The following JAG2 variants were observed in gnomAD, a reference collection of about 807,000 sequenced individuals.
The protein encoded by JAG2 is protein jagged-2.
Under a neutral mutation model 141.7 loss-of-function variants are expected in JAG2, and 46 were observed. The observed-to-expected ratio is 0.32, with a 90% CI of 0.26 to 0.42. JAG2 has a LOEUF of 0.42. JAG2 is among the 10% of genes least tolerant of loss of function. The pLI, the probability that JAG2 is intolerant of heterozygous loss-of-function variation, is 1.00. For synonymous variants in JAG2, 862 were observed against 763.5 expected (o/e 1.13, Z -2.13); for missense variants, 1,500 against 1,817.5 (o/e 0.83, Z 3.18).
Position 105,157,779 on chromosome 14 carries a change from G to A in JAG2, c.418-16C>T, listed in dbSNP as rs1888623565. ...TAAAGGAGCGCTGCAGACATGGGGA[G>A]GCGGGTCAGGTACCTGAGGCCACAC... is the stretch of plus-strand genomic sequence containing the variant. On this transcript the variant is annotated splice_polypyrimidine_tract_variant and intron_variant, in intron 2 of 25. Transcript: ENST00000331782. 1 of 1,564,492 alleles carries A rather than the reference G, an allele frequency of 6.4e-7. No homozygotes were observed. Among genetic ancestry groups the A allele is most frequent in the Non-Finnish European group, 8.6e-7 (1 of 1,156,486 alleles).
At position 105,146,396 on chromosome 14, in the gene JAG2, C is replaced by T. The variant is rs1359142750; in HGVS notation, c.2698G>A (p.Asp900Asn). The stretch of plus-strand genomic sequence containing the variant: ...CGGGCTGCCCTCACCTTGCTGCAGT[C>T]ACGGCGGCCATCCAGGCAGCGGCAG... ...NSCRCLDGRR[D>N]CSKVWCGWKP... Residue 900 changes from aspartate to asparagine, a missense_variant, in exon 22 of 26, where the codon GAC (aspartate) becomes AAC (asparagine). By Grantham distance (23) the Asp-to-Asn change is conservative (BLOSUM62 1). Transcript: ENST00000331782. 3 of 1,612,434 alleles carry T rather than the reference C, an allele frequency of 1.9e-6. No homozygotes were observed. The highest frequency in any genetic ancestry group is 1.3e-5 in the African/African-American group (1 of 74,942).
Position 105,142,500 on chromosome 14 carries a change from T to C in JAG2, c.*195A>G. The C allele has an allele frequency of 1.7e-6, 1 of 587,720 alleles. No homozygotes were observed. Among genetic ancestry groups the C allele is most frequent in the Non-Finnish European group, 3.0e-6 (1 of 331,756 alleles). The allele number at this position is 587,720 out of a possible 1,614,324, so 36.4% of individuals were successfully genotyped here. On this transcript the variant is annotated 3_prime_UTR_variant, in exon 26 of 26. Coordinates refer to ENST00000331782, the MANE Select transcript of JAG2 (RefSeq NM_002226.5). The stretch of plus-strand genomic sequence containing the variant: ...ATAGCAACTATCCGAGAATACTCCA[T>C]TGTTTTCAGCCTGACAGTTACTGAA...
Position 105,155,636 on chromosome 14 carries a change from G to A in JAG2, c.728-14C>T, listed in dbSNP as rs369511585. 74 of 1,612,538 alleles carry A rather than the reference G, an allele frequency of 4.6e-5. No individual in the cohort carries two copies. In the African/African-American group the frequency reaches 9.1e-4, roughly 20 times the overall value. On this transcript the variant is annotated splice_polypyrimidine_tract_variant and intron_variant, in intron 4 of 25. Coordinates refer to ENST00000331782, the MANE Select transcript of JAG2 (RefSeq NM_002226.5). The stretch of plus-strand genomic sequence containing the variant: ...GTTTACACACAGCTGCGAACAGAGA[G>A]GAGCGAGAGGCACAGCTGCAGCCAG...
chr14:105,165,063 G>A (rs1888868981), intron 2 of JAG2, among the ~76,000 whole-genome samples: 1 of 152,186 alleles, frequency 6.6e-6, no homozygotes, highest in Non-Finnish European at 1.5e-5. Context: ...TGCCAAGACA[G>A]AACAAGAAAG....
intron 2 of JAG2, among the ~76,000 whole-genome samples, chr14:105,166,235 C>G (rs1349996156): frequency 3.3e-5 from 5 of 152,264 alleles, no homozygotes; most frequent in Non-Finnish European, 7.3e-5. Context: ...GGGCGAAGAG[C>G]CAGGGCGGAC....
chr14:105,155,517 A>G, intron 5 of JAG2, 45 bp downstream of exon 5: 1 of 1,605,934 alleles, frequency 6.2e-7, no homozygotes, highest in Non-Finnish European at 8.5e-7. Flanking sequence ...TGAGGACGTG[A>G]GGGCAAAGGT....
intron 4 of JAG2, 36 bp from the exon 5 acceptor site, chr14:105,155,658 C>T (rs759504627): frequency 9.3e-6 from 15 of 1,612,286 alleles, no homozygotes; most frequent in Middle Eastern, 3.3e-4. Context: ...ACAGCTGCAG[C>T]CAGCCTGGCC....
chr14:105,163,289 G>C (rs1888812447), intron 2 of JAG2, among the ~76,000 whole-genome samples: 1 of 152,292 alleles, frequency 6.6e-6, no homozygotes, highest in East Asian at 1.9e-4. Flanking sequence ...CCAGGGCTCT[G>C]GGCCCCAGGG....
intron 24 of JAG2, 47 bp from the exon 25 acceptor site, chr14:105,143,685 TC>T: frequency 6.3e-7 from 1 of 1,594,546 alleles, no homozygotes; most frequent in Non-Finnish European, 8.5e-7. Context: ...GGCTCCAGGC[TC>T]CCAGCAGCCT....
intron 17 of JAG2, 68 bp from the exon 18 acceptor site, chr14:105,147,956 G>GC: frequency 7.6e-7 from 1 of 1,308,226 alleles, no homozygotes; most frequent in Non-Finnish European, 1.1e-6. Context: ...TCCATACCGC[G>GC]CCCCCAACCC....
intron 2 of JAG2, among the ~76,000 whole-genome samples, chr14:105,160,014 C>A (rs1234255592): frequency 1.2e-4 from 2 of 16,346 alleles, no homozygotes; most frequent in African/African-American, 5.8e-4. Context: ...TCCACCCCCC[C>A]CAACATGCTC....
Position 105,154,070 on chromosome 14 carries a change from G to T in JAG2, c.788+1492C>A, listed in dbSNP as rs1340880067. 2.6e-5 allele frequency among the ~76,000 whole-genome samples: 4 copies of T among 152,104 alleles called. No homozygotes were observed. Among genetic ancestry groups the T allele is most frequent in the Non-Finnish European group, 5.9e-5 (4 of 68,004 alleles). On this transcript the variant is annotated intron_variant, in intron 5 of 25. Coordinates refer to ENST00000331782, the MANE Select transcript of JAG2 (RefSeq NM_002226.5). The surrounding 1 kb of genome is among the most constrained non-coding windows in gnomAD (Gnocchi z 4.4). ...TGCCTCCCCGCTCTGGGACTGGCCG[G>T]GAAAGCTCCTCACTGTACCCTCCAG...
chr14:105,143,448 G>A (rs778097871), intron 25 of JAG2, 34 bp downstream of exon 25: 3 of 1,539,472 alleles, frequency 1.9e-6, no homozygotes, highest in Non-Finnish European at 2.6e-6. Context: ...TTGCCTGCCT[G>A]GTGCCTTCCC....
At chr14:105,147,660 G>A (rs1888268533) in intron 18 of JAG2, 112 bp downstream of exon 18, 1 of 1,067,524 alleles carries the variant, frequency 9.4e-7, no homozygotes, top group South Asian at 1.3e-5. Context: ...TTTGCTGGGG[G>A]CAGGGGCAGC....
chr14:105,155,285 A>G (rs916727042), intron 5 of JAG2, among the ~76,000 whole-genome samples: 12 of 151,778 alleles, frequency 7.9e-5, no homozygotes, highest in Admixed American at 3.3e-4. Flanking sequence ...GGTGGCTTGC[A>G]GCCTCCGGGT....
intron 9 of JAG2, 26 bp downstream of exon 9, chr14:105,151,257 C>T: frequency 6.3e-7 from 1 of 1,595,356 alleles, no homozygotes; most frequent in Non-Finnish European, 8.6e-7. Context: ...GGCCCACGTT[C>T]CCATGCACTC....
At chr14:105,161,644 C>T (rs1215219278) in intron 2 of JAG2, among the ~76,000 whole-genome samples, 2 of 152,090 alleles carry the variant, frequency 1.3e-5, no homozygotes, top group East Asian at 1.9e-4. Flanking sequence ...GCTGACGGGG[C>T]GGTACCTGCC....
intron 15 of JAG2, 91 bp from the exon 16 acceptor site, chr14:105,148,530 G>A (rs1888303800): frequency 3.2e-6 from 3 of 930,304 alleles, no homozygotes; most frequent in Non-Finnish European, 3.3e-6. Context: ...TGGGCCAGGT[G>A]AGGACAGAGA....
chr14:105,148,156 G>A lies in JAG2; in HGVS notation c.2208C>T (p.Cys736=), dbSNP rs377536450. Residue 736 remains cysteine, a synonymous_variant, in exon 17 of 26, where the codon TGC becomes TGT. Coordinates refer to ENST00000331782, the MANE Select transcript of JAG2 (RefSeq NM_002226.5). Reference sequence around the variant, plus strand: ...TGCCCTTCCAGCCGGGGGGGCAGGCGCAGCGGAAGGTGTCGCCGCTGTCGT... The same window carrying A: ...TGCCCTTCCAGCCGGGGGGGCAGGCACAGCGGAAGGTGTCGCCGCTGTCGT... ...TCYDSGDTFR[C]ACPPGWKGST... is the part of the protein sequence containing the mutation. The A allele has an allele frequency of 7.8e-5, 121 of 1,550,330 alleles. No homozygotes were observed. Among genetic ancestry groups the A allele is most frequent in the East Asian group, 3.2e-4 (13 of 40,992 alleles).
Sources: gnomAD v4.1 joint callset for allele counts (sites outside exome capture counted in the v4.1 genomes callset) on GRCh38, gnomAD v4.1.1 for gene constraint, Gnocchi (gnomAD v3.1) non-coding constraint, MANE v1.5 for transcripts, NCBI Gene and HGNC (gene_info 2026-07-23, HGNC 2026-07-21) for gene names.